The following ADCY2 variants were observed in gnomAD, a reference collection of about 807,000 sequenced individuals.
The protein encoded by ADCY2 is adenylate cyclase 2, also known as adenylate cyclase type 2.
A neutral mutation model predicts 125.2 loss-of-function variants in ADCY2; 31 were observed. The observed-to-expected ratio is 0.25, with a 90% confidence interval of 0.19 to 0.33. The LOEUF is 0.33. ADCY2 is among the 10% of genes least tolerant of loss of function. The pLI is 1.00. For missense variants in ADCY2, 904 were observed against 1,418.2 expected, an observed-to-expected ratio of 0.64 and a Z score of 5.82; for synonymous variants, 512 against 548.4, an observed-to-expected ratio of 0.93 and a Z score of 0.93.
chr5:7,656,596 C>A (rs1302754302), intron 4 of ADCY2, among the ~76,000 whole-genome samples: 1 of 152,192 alleles, frequency 6.6e-6, no homozygotes, highest in African/African-American at 2.4e-5. Flanking sequence ...TCCTCATTGT[C>A]TGGGTAGCTG....
At chr5:7,581,861 A>G (rs1736449136) in intron 3 of ADCY2, among the ~76,000 whole-genome samples, 1 of 152,062 alleles carries the variant, frequency 6.6e-6, no homozygotes, top group South Asian at 2.1e-4. Context: ...AAGAAAAGAA[A>G]AAGAGGAATG....
intron 6 of ADCY2, among the ~76,000 whole-genome samples, chr5:7,698,017 C>T (rs1344543429): frequency 6.6e-6 from 1 of 152,190 alleles, no homozygotes; most frequent in Admixed American, 6.5e-5. Flanking sequence ...ATTCTCCCTT[C>T]TTTCTCATTT....
chr5:7,680,819 A>G (rs1340358252), intron 4 of ADCY2, among the ~76,000 whole-genome samples: 1 of 152,176 alleles, frequency 6.6e-6, no homozygotes, highest in Non-Finnish European at 1.5e-5. Flanking sequence ...GCCTGTTTTT[A>G]GCTAATATTT....
At chr5:7,654,786 G>A (rs1314133139) in intron 4 of ADCY2, among the ~76,000 whole-genome samples, 2 of 152,162 alleles carry the variant, frequency 1.3e-5, no homozygotes, top group African/African-American at 4.8e-5. Context: ...AATGCCCAGA[G>A]GAGTGTACAT....
At chr5:7,818,002 C>G (rs921298753) in intron 23 of ADCY2, among the ~76,000 whole-genome samples, 1 of 152,090 alleles carries the variant, frequency 6.6e-6, no homozygotes, top group African/African-American at 2.4e-5. Context: ...AGTCAACACA[C>G]AGCTTGGTTG....
intron 3 of ADCY2, among the ~76,000 whole-genome samples, chr5:7,589,900 A>G (rs1736791846): frequency 6.6e-6 from 1 of 152,190 alleles, no homozygotes; most frequent in Non-Finnish European, 1.5e-5. Context: ...AGCCTGGGTT[A>G]TGCAATGTTA....
intron 3 of ADCY2, among the ~76,000 whole-genome samples, chr5:7,586,881 T>C (rs1736644663): frequency 6.6e-6 from 1 of 152,206 alleles, no homozygotes; most frequent in African/African-American, 2.4e-5. Context: ...CATCTTCGTC[T>C]ATCTATCCCT....
chr5:7,571,928 TG>T (rs1316558930), intron 3 of ADCY2, among the ~76,000 whole-genome samples: 1 of 152,208 alleles, frequency 6.6e-6, no homozygotes, highest in African/African-American at 2.4e-5. Context: ...CTAAGGATAA[TG>T]GCCTCCAGCT....
chr5:7,690,649 G>A, intron 4 of ADCY2, 42 bp from the exon 5 acceptor site: 1 of 1,467,712 alleles, frequency 6.8e-7, no homozygotes, highest in Non-Finnish European at 9.0e-7. Flanking sequence ...ATCCCCCGAG[G>A]TGTCTGAGAG....
At chr5:7,717,445 C>G (rs1421446221) in intron 12 of ADCY2, among the ~76,000 whole-genome samples, 1 of 152,024 alleles carries the variant, frequency 6.6e-6, no homozygotes, top group East Asian at 1.9e-4. Flanking sequence ...AGAAAATATT[C>G]CCAAGTTGAT....
At chr5:7,479,553 C>A (rs1425035335) in intron 2 of ADCY2, among the ~76,000 whole-genome samples, 1 of 152,072 alleles carries the variant, frequency 6.6e-6, no homozygotes, top group African/African-American at 2.4e-5. Context: ...AATGGGGTAT[C>A]TATCACCCCA....
At chr5:7,730,219 T>G (rs1056758747) in intron 14 of ADCY2, among the ~76,000 whole-genome samples, 2 of 152,256 alleles carry the variant, frequency 1.3e-5, no homozygotes, top group Non-Finnish European at 2.9e-5. Context: ...TTATTTCTTT[T>G]ATTTTTTTGG....
At chr5:7,490,993 A>T (rs1743142623) in intron 2 of ADCY2, among the ~76,000 whole-genome samples, 1 of 152,226 alleles carries the variant, frequency 6.6e-6, no homozygotes, top group Non-Finnish European at 1.5e-5. Context: ...TGCATTAAAA[A>T]ATAACATGCT....
intron 23 of ADCY2, among the ~76,000 whole-genome samples, chr5:7,817,589 G>A (rs1745156472): frequency 6.6e-6 from 1 of 152,124 alleles, no homozygotes; most frequent in Admixed American, 6.6e-5. Flanking sequence ...CACTTTCGGA[G>A]GCTGAGGTGG....
At chr5:7,692,502 A>G (rs750796098) in intron 5 of ADCY2, among the ~76,000 whole-genome samples, 1 of 152,230 alleles carries the variant, frequency 6.6e-6, no homozygotes, top group African/African-American at 2.4e-5. Context: ...AATTATTTAA[A>G]ATACTGGCTT....
intron 12 of ADCY2, among the ~76,000 whole-genome samples, chr5:7,719,508 C>G (rs891155882): frequency 1.3e-5 from 2 of 152,166 alleles, no homozygotes; most frequent in Non-Finnish European, 1.5e-5. Context: ...GGGCTCCAGG[C>G]TTGATGTACC....
Position 7,827,087 on chromosome 5 carries a change from G to A in ADCY2, c.*216G>A, listed in dbSNP as rs1745508302. 1 of 530,806 alleles carries A rather than the reference G, an allele frequency of 1.9e-6. No homozygotes were observed. The highest frequency in any genetic ancestry group is 1.9e-5 in the African/African-American group (1 of 52,182). The allele number at this position is 530,806 out of a possible 1,614,324, so 32.9% of individuals were successfully genotyped here. On this transcript the variant is annotated 3_prime_UTR_variant, in exon 25 of 25. Transcript: ENST00000338316. ...ACTGTGCTTGCTCCTAAGCAAAAGG[G>A]AAAAGGAGCGCGCGTGATAGAAGAA...
In ADCY2 at chr5:7,707,855, A is replaced by G; in HGVS notation, c.1401+17A>G. On this transcript the variant is annotated intron_variant, in intron 9 of 24. Coordinates refer to ENST00000338316, the MANE Select transcript of ADCY2 (RefSeq NM_020546.3). ...AACCCCAAGGTCAGTATCATTGTAA[A>G]GAGTCTATGATGAAAAGGGAGGAGG... 3 of 1,611,798 alleles carry G rather than the reference A, an allele frequency of 1.9e-6. No homozygotes were observed. Among genetic ancestry groups the G allele is most frequent in the Non-Finnish European group, 2.5e-6 (3 of 1,178,784 alleles).
rs1018967674 is a variant in ADCY2, at chr5:7,549,824, A to G, written c.570+28925A>G. Among the ~76,000 whole-genome samples, 3 of 152,154 alleles carry G rather than the reference A, an allele frequency of 2.0e-5. No homozygotes were observed. In the South Asian group the frequency reaches 6.2e-4, roughly 32 times the overall value. Reference sequence around the variant, plus strand: ...GTGGTGGGATGTAGCCCTAGGTCGTACCCGGAAGTGGCTTTCTCCAGCCAC... The same window carrying G: ...GTGGTGGGATGTAGCCCTAGGTCGTGCCCGGAAGTGGCTTTCTCCAGCCAC... On this transcript the variant is annotated intron_variant, in intron 3 of 24. Transcript: ENST00000338316.
Sources: allele counts gnomAD v4.1 joint callset (sites outside exome capture counted in the v4.1 genomes callset), GRCh38; gene constraint gnomAD v4.1.1; transcripts MANE v1.5; gene names NCBI Gene and HGNC (gene_info 2026-07-23, HGNC 2026-07-21).